UTS2: variants seen among roughly 807,000 people sequenced by gnomAD.
UTS2 encodes urotensin 2.
UTS2 carries 10 observed loss-of-function variants against 12.6 expected under a neutral mutation model. That is an observed-to-expected ratio of 0.80 (90% CI 0.49 to 1.35). The LOEUF (loss-of-function observed/expected upper bound fraction) is 1.35. UTS2 is among the 40% of genes most tolerant of loss of function. The pLI is 0.00. For missense variants in UTS2, 142 were observed against 143.2 expected, an observed-to-expected ratio of 0.99 and a Z score of 0.04; for synonymous variants, 52 against 50.0, an observed-to-expected ratio of 1.04 and a Z score of -0.17.
the UTS2 span, among the ~76,000 whole-genome samples, chr1:7,861,357 C>T: frequency 1.8e-4 from 27 of 152,010 alleles, no homozygotes; most frequent in Admixed American, 2.0e-4. Flanking sequence ...TGACAAGAGC[C>T]GTTTTGGTGG....
At chr1:7,863,021 TTGTATTGTATTGTATTG>T in the UTS2 span, among the ~76,000 whole-genome samples, 7 of 23,900 alleles carry the variant, frequency 2.9e-4, no homozygotes, top group East Asian at 6.5e-4. Context: ...TTGTATTGTA[TTGTATTGTATTGTATTG>T]TATTGTATTG....
chr1:7,900,006 C>T, the UTS2 span, among the ~76,000 whole-genome samples: 6 of 152,170 alleles, frequency 3.9e-5, no homozygotes, highest in East Asian at 1.9e-4. Context: ...GTACCCAACC[C>T]GGAAGCCACA....
chr1:7,909,483 G>T, the UTS2 span, among the ~76,000 whole-genome samples: 1 of 147,336 alleles, frequency 6.8e-6, no homozygotes, highest in Non-Finnish European at 1.5e-5. Context: ...GGTGGAGGTC[G>T]CAGTGAGCTG....
chr1:7,911,330 G>T, the UTS2 span, among the ~76,000 whole-genome samples: 1 of 151,952 alleles, frequency 6.6e-6, no homozygotes, highest in Non-Finnish European at 1.5e-5. Context: ...ACTGAGCATG[G>T]CTAAATACGT....
At chr1:7,859,609 G>T in the UTS2 span, among the ~76,000 whole-genome samples, 1 of 152,228 alleles carries the variant, frequency 6.6e-6, no homozygotes, top group African/African-American at 2.4e-5. Flanking sequence ...CATGCGCCCA[G>T]CATGTTTGCC....
the UTS2 span, among the ~76,000 whole-genome samples, chr1:7,899,757 C>T: frequency 6.6e-6 from 1 of 152,212 alleles, no homozygotes; most frequent in South Asian, 2.1e-4. Context: ...TGTCTTGAAA[C>T]AGCAAGCATT....
At chr1:7,853,776 G>T (rs1578028761), upstream of UTS2, among the ~76,000 whole-genome samples, 2 of 152,340 alleles carry the variant, frequency 1.3e-5, no homozygotes, top group Admixed American at 1.3e-4. Context: ...GCCCAAGCTG[G>T]TCCAAGCCCG....
Position 7,849,679 on chromosome 1 carries a change from T to TGAGTC in UTS2, c.215-1_218dup (p.Ser74ThrfsTer13), listed in dbSNP as rs752026951. The TGAGTC allele has an allele frequency of 2.5e-5, 41 of 1,609,436 alleles. No individual in the cohort carries two copies. Among genetic ancestry groups the TGAGTC allele is most frequent in the Non-Finnish European group, 4.2e-6 (5 of 1,179,064 alleles). ...CTCTTGGGTTAAAAATGTTGGTACT[T>TGAGTC]GAGTCTGAAAAACAGTTTTGAAGCC... On this transcript the variant is annotated frameshift_variant, in exon 3 of 4. Coordinates refer to ENST00000361696, the MANE Select transcript of UTS2 (RefSeq NM_006786.4). LOFTEE classifies it low-confidence loss of function (END_TRUNC).
chr1:7,882,586 T>C, the UTS2 span, among the ~76,000 whole-genome samples: 2 of 152,196 alleles, frequency 1.3e-5, no homozygotes, highest in South Asian at 4.1e-4. Flanking sequence ...ACTAAAACTC[T>C]GCTGCACAGC....
chr1:7,894,626 G>A, the UTS2 span, among the ~76,000 whole-genome samples: 9 of 152,194 alleles, frequency 5.9e-5, no homozygotes, highest in African/African-American at 1.7e-4. Flanking sequence ...ATGAATTCCC[G>A]TGTCATTCCA....
the UTS2 span, among the ~76,000 whole-genome samples, chr1:7,891,860 A>G: frequency 1.3e-5 from 2 of 152,222 alleles, no homozygotes; most frequent in African/African-American, 2.4e-5. Flanking sequence ...AAGCTCATCT[A>G]TAGTGACAGC....
the UTS2 span, among the ~76,000 whole-genome samples, chr1:7,868,108 G>A: frequency 7.7e-6 from 1 of 130,682 alleles, no homozygotes; most frequent in African/African-American, 2.9e-5. Context: ...GAACACGAAT[G>A]CACAGTTCTG....
At chr1:7,885,130 T>TCACCCATCCATCCATCCATC in the UTS2 span, among the ~76,000 whole-genome samples, 4 of 150,210 alleles carry the variant, frequency 2.7e-5, no homozygotes, top group African/African-American at 9.9e-5. Flanking sequence ...CACCCACCTA[T>TCACCCATCCATCCATCCATC]CATCCATCCA....
At chr1:7,851,806 A>G (rs1039328985) in intron 1 of UTS2, among the ~76,000 whole-genome samples, 12 of 152,198 alleles carry the variant, frequency 7.9e-5, no homozygotes, top group African/African-American at 2.7e-4. Flanking sequence ...ATGAGAACAA[A>G]TTCTGCGATA....
the UTS2 span, among the ~76,000 whole-genome samples, chr1:7,893,698 G>A: frequency 6.6e-6 from 1 of 152,252 alleles, no homozygotes; most frequent in Admixed American, 6.5e-5. Context: ...GTTTTACGCT[G>A]CTCCTGGAGG....
At chr1:7,878,396 G>A in the UTS2 span, among the ~76,000 whole-genome samples, 1 of 152,076 alleles carries the variant, frequency 6.6e-6, no homozygotes, top group African/African-American at 2.4e-5. Flanking sequence ...GTACTCAAAT[G>A]TTACCACTAC....
upstream of UTS2, among the ~76,000 whole-genome samples, chr1:7,856,866 GC>G (rs1473550503): frequency 6.6e-6 from 1 of 152,088 alleles, no homozygotes; most frequent in Non-Finnish European, 1.5e-5. Flanking sequence ...TTTGAGACCA[GC>G]CTGGCCAATA....
At chr1:7,847,925 TAA>T in intron 3 of UTS2, 43 bp from the exon 4 acceptor site, 1 of 1,369,490 alleles carries the variant, frequency 7.3e-7, no homozygotes, top group Non-Finnish European at 1.0e-6. Flanking sequence ...AAAAAACAGA[TAA>T]GTTACCAACG....
upstream of UTS2, among the ~76,000 whole-genome samples, chr1:7,858,315 G>A (rs1638355838): frequency 6.6e-6 from 1 of 152,126 alleles, no homozygotes; most frequent in Non-Finnish European, 1.5e-5. Flanking sequence ...GGACATACAT[G>A]AACAAAGACC....
Sources: gnomAD v4.1 joint callset for allele counts (sites outside exome capture counted in the v4.1 genomes callset) on GRCh38, gnomAD v4.1.1 for gene constraint, MANE v1.5 for transcripts, NCBI Gene and HGNC (gene_info 2026-07-23, HGNC 2026-07-21) for gene names.